The following XRN1 variants were observed in gnomAD, a reference collection of about 807,000 sequenced individuals.
XRN1 encodes 5'-3' exoribonuclease 1.
A neutral mutation model predicts 222.3 loss-of-function variants in XRN1; 67 were observed. The observed-to-expected ratio is 0.30, with a 90% confidence interval of 0.25 to 0.37. The LOEUF (loss-of-function observed/expected upper bound fraction) is 0.37. XRN1 is among the 10% of genes least tolerant of loss of function. XRN1 has a pLI of 1.00. For synonymous variants in XRN1, 643 were observed against 652.4 expected (o/e 0.99, Z 0.22); for missense variants, 1,707 against 2,000.2 (o/e 0.85, Z 2.80).
In XRN1 at chr3:142,307,984, A is replaced by G. The variant is rs369467410; in HGVS notation, c.*3527T>C. On this transcript the variant is annotated 3_prime_UTR_variant, in exon 41 of 41. Coordinates refer to ENST00000392981, the MANE Select transcript of XRN1 (RefSeq NM_001282857.2). ...TGGAAGCAACATGATACCAAGAAATACAGCAAGCTCATAAGGCTGAGAAAT... is the reference window on the plus strand; with the variant it reads ...TGGAAGCAACATGATACCAAGAAATGCAGCAAGCTCATAAGGCTGAGAAAT... The G allele has an allele frequency of 1.3e-5, 2 of 152,356 alleles. No individual in the cohort carries two copies. Among genetic ancestry groups the G allele is most frequent in the East Asian group, 3.9e-4 (2 of 5,190 alleles). 9.4% of individuals were successfully genotyped at this position (152,356 alleles called of 1,614,324 possible). A position where few individuals can be genotyped will look rare whatever the true frequency, so the allele number is the denominator to read the frequency against.
At position 142,418,532 on chromosome 3, in the gene XRN1, T is replaced by C. The variant is rs1417727925; in HGVS notation, c.1318A>G (p.Thr440Ala). The C allele has an allele frequency of 6.2e-7, 1 of 1,611,672 alleles. No homozygotes were observed. The highest frequency in any genetic ancestry group is 2.2e-5 in the East Asian group (1 of 44,676). Residue 440 changes from threonine (T) to alanine (A), a missense_variant, in exon 12 of 41, where the codon ACG (threonine) becomes GCG (alanine). By Grantham distance (58) the Thr-to-Ala change is moderately conservative. This residue lies in a region of XRN1 where 1,234 missense variants were observed against 1,518.2 expected (regional missense o/e 0.81). Transcript: ENST00000392981. ...FRQYKRTYYM[T>A]KMGVDVVSDD... ...GATACTACGTCAACCCCCATCTTCG[T>C]CATGTAATATGTTCTTTTATATTGT...
intron 14 of XRN1, among the ~76,000 whole-genome samples, chr3:142,412,961 GAC>G: frequency 6.6e-6 from 1 of 152,090 alleles, no homozygotes; most frequent in Non-Finnish European, 1.5e-5. Flanking sequence ...CACTCTACAA[GAC>G]ACACAGCTAA....
chr3:142,340,439 T>A (rs2065962216), intron 33 of XRN1, among the ~76,000 whole-genome samples: 2 of 150,164 alleles, frequency 1.3e-5, no homozygotes, highest in African/African-American at 4.9e-5. Context: ...GAAAACAGCC[T>A]CAAAAGGGCA....
At chr3:142,382,781 A>G (rs1221827640) in intron 22 of XRN1, among the ~76,000 whole-genome samples, 1 of 152,158 alleles carries the variant, frequency 6.6e-6, no homozygotes, top group African/African-American at 2.4e-5. Flanking sequence ...GTATATATAT[A>G]TACACATATA....
chr3:142,373,415 T>C (rs1453035275), intron 25 of XRN1, among the ~76,000 whole-genome samples: 1 of 151,096 alleles, frequency 6.6e-6, no homozygotes, highest in African/African-American at 2.4e-5. Context: ...AGGAAAAAAA[T>C]AGTGAGGAGA....
chr3:142,383,252 T>C (rs2067368852), intron 22 of XRN1, 48 bp downstream of exon 22: 1 of 1,406,640 alleles, frequency 7.1e-7, no homozygotes, highest in Admixed American at 2.1e-5. Context: ...GTTAAGTAAC[T>C]GCTTTAAACT....
intron 33 of XRN1, among the ~76,000 whole-genome samples, chr3:142,344,389 T>C (rs1448389503): frequency 6.6e-6 from 1 of 151,736 alleles, no homozygotes; most frequent in Non-Finnish European, 1.5e-5. Flanking sequence ...AAATAAAAGA[T>C]AAAAAACAAA....
chr3:142,390,467 C>T (rs1230337511), intron 20 of XRN1, among the ~76,000 whole-genome samples: 2 of 152,198 alleles, frequency 1.3e-5, no homozygotes, highest in East Asian at 3.8e-4. Context: ...TTTCCTTAAA[C>T]TTCATGAACC....
chr3:142,378,201 A>C (rs2067198369), intron 23 of XRN1, among the ~76,000 whole-genome samples: 4 of 152,230 alleles, frequency 2.6e-5, no homozygotes, highest in African/African-American at 9.6e-5. Flanking sequence ...GAGAAAGGAA[A>C]GCCACTGGAA....
chr3:142,447,011 C>CCAAAAA lies in XRN1; in HGVS notation c.75+858_75+859insTTTTTG, dbSNP rs1553748793. Among the ~76,000 whole-genome samples the CCAAAAA allele has an allele frequency of 4.6e-5, 7 of 152,042 alleles. No homozygotes were observed. The highest frequency in any genetic ancestry group is 1.5e-4 in the African/African-American group (6 of 41,312). ...TTCTGTAAAGCATCAGAAAAGAGAT[C>CCAAAAA]AAATTCATTAAATGTGACAAACACC... On this transcript the variant is annotated intron_variant, in intron 1 of 40. Coordinates refer to ENST00000392981, the MANE Select transcript of XRN1 (RefSeq NM_001282857.2). This position sits in a 1 kb window ranked among gnomAD's most constrained non-coding sequence, Gnocchi z 4.2.
At chr3:142,432,251 T>A (rs1230461066) in intron 2 of XRN1, among the ~76,000 whole-genome samples, 19 of 124,542 alleles carry the variant, frequency 1.5e-4, no homozygotes, top group African/African-American at 4.2e-4. Flanking sequence ...AAAATTTATT[T>A]TATATATATA....
chr3:142,359,925 C>G lies in XRN1; in HGVS notation c.3401G>C (p.Arg1134Thr), dbSNP rs1258794497. 6.3e-7 allele frequency: 1 copy of G among 1,596,866 alleles called. No individual in the cohort carries two copies. The highest frequency in any genetic ancestry group is 2.3e-5 in the East Asian group (1 of 44,120). Residue 1134 changes from arginine to threonine, a missense_variant, in exon 30 of 41, where the codon AGA becomes ACA. By Grantham distance (71) the Arg-to-Thr change is moderately conservative. Coordinates refer to ENST00000392981, the MANE Select transcript of XRN1 (RefSeq NM_001282857.2). Reference protein sequence around the residue: ...GTIIGIKGANREADVLFEVLF... With the variant: ...GTIIGIKGANTEADVLFEVLF... ...TACTTCAAATAGTACATCGGCTTCT[C>G]TATTAGCTGTTACAATAGGGAGAGA...
chr3:142,318,719 A>C, intron 38 of XRN1, 25 bp from the exon 39 acceptor site: 1 of 1,610,420 alleles, frequency 6.2e-7, no homozygotes, highest in Non-Finnish European at 8.5e-7. Flanking sequence ...AAAAGTTACA[A>C]GACAATGCAA....
chr3:142,396,103 CATT>C (rs1345319119), intron 20 of XRN1, among the ~76,000 whole-genome samples: 3 of 152,142 alleles, frequency 2.0e-5, no homozygotes, highest in African/African-American at 7.2e-5. Context: ...TGTTTTTACT[CATT>C]ATTATTCATT....
At chr3:142,330,002 T>C (rs1385063152) in intron 36 of XRN1, among the ~76,000 whole-genome samples, 1 of 152,206 alleles carries the variant, frequency 6.6e-6, no homozygotes, top group Non-Finnish European at 1.5e-5. Flanking sequence ...GTGACTTCAG[T>C]AAAGGTTTTT....
At chr3:142,350,982 T>G (rs2066287461) in intron 32 of XRN1, among the ~76,000 whole-genome samples, 1 of 152,168 alleles carries the variant, frequency 6.6e-6, no homozygotes, top group South Asian at 2.1e-4. Context: ...CTAAATATCA[T>G]GGAGGACTTC....
intron 1 of XRN1, among the ~76,000 whole-genome samples, chr3:142,438,077 C>A (rs2070002769): frequency 6.6e-6 from 1 of 152,152 alleles, no homozygotes; most frequent in Non-Finnish European, 1.5e-5. Flanking sequence ...GAAAAGGGAA[C>A]CCTCATACAC....
rs2069092561 is a variant in XRN1 at position 142,422,764 on chromosome 3, G to C, written c.799-14C>G. On this transcript the variant is annotated splice_polypyrimidine_tract_variant and intron_variant, in intron 7 of 40. Transcript: ENST00000392981. Reference sequence around the variant, plus strand: ...TGTGATCTTTTCCTACAGTAAAATAGAGAACAAAGTCAAATCCAGTGAAAA... The same window carrying C: ...TGTGATCTTTTCCTACAGTAAAATACAGAACAAAGTCAAATCCAGTGAAAA... The C allele has an allele frequency of 1.2e-6, 2 of 1,608,218 alleles. No individual in the cohort carries two copies. Among genetic ancestry groups the C allele is most frequent in the Non-Finnish European group, 8.5e-7 (1 of 1,177,328 alleles).
At chr3:142,407,978 CT>C (rs1314329917) in intron 15 of XRN1, among the ~76,000 whole-genome samples, 1 of 152,216 alleles carries the variant, frequency 6.6e-6, no homozygotes, top group African/African-American at 2.4e-5. Flanking sequence ...TCATTAACTT[CT>C]GCTCATCACT....
Sources: allele counts gnomAD v4.1 joint callset (sites outside exome capture counted in the v4.1 genomes callset), GRCh38; gene constraint gnomAD v4.1.1; regional missense constraint gnomAD v4.1.1; non-coding constraint Gnocchi (gnomAD v3.1); transcripts MANE v1.5; gene names NCBI Gene and HGNC (gene_info 2026-07-23, HGNC 2026-07-21).